The following CFAP107 variants were observed in gnomAD, a reference collection of about 807,000 sequenced individuals.
CFAP107 encodes cilia and flagella associated protein 107.
At chr1:12,758,412 G>A in the CFAP107 span, among the ~76,000 whole-genome samples, 1 of 152,140 alleles carries the variant, frequency 6.6e-6, no homozygotes, top group East Asian at 1.9e-4. Context: ...AGTCACTTTG[G>A]CATTAGAAAT....
the CFAP107 span, among the ~76,000 whole-genome samples, chr1:12,755,366 C>T: frequency 6.6e-6 from 1 of 151,676 alleles, no homozygotes; most frequent in African/African-American, 2.4e-5. Context: ...GATTGCGCCA[C>T]TGCACTCCAG....
chr1:12,759,577 A>G, the CFAP107 span: 1 of 1,458,200 alleles, frequency 6.9e-7, no homozygotes, highest in East Asian at 2.3e-5. Flanking sequence ...AGAAGGAGCC[A>G]CACAGGTGAC....
chr1:12,761,047 T>A, the CFAP107 span: 1 of 1,256,882 alleles, frequency 8.0e-7, no homozygotes, highest in Non-Finnish European at 1.1e-6. Flanking sequence ...AAACTCAGAG[T>A]ACGAGATCTG....
chr1:12,760,289 A>G, the CFAP107 span, among the ~76,000 whole-genome samples: 4 of 152,200 alleles, frequency 2.6e-5, no homozygotes, highest in Non-Finnish European at 5.9e-5. Flanking sequence ...ATTTCAAGCC[A>G]CGTCCACACT....
chr1:12,755,614 T>C, the CFAP107 span: 2 of 876,218 alleles, frequency 2.3e-6, no homozygotes, highest in Non-Finnish European at 3.9e-6. Flanking sequence ...CTACCCATCT[T>C]CTGATGGCCC....
At chr1:12,760,659 A>C in the CFAP107 span, 7 of 1,098,696 alleles carry the variant, frequency 6.4e-6, no homozygotes, top group Non-Finnish European at 9.1e-6. Flanking sequence ...CTGACAGAGC[A>C]GCCTGGGAAA....
the CFAP107 span, among the ~76,000 whole-genome samples, chr1:12,758,428 A>C: frequency 1.4e-4 from 22 of 152,160 alleles, no homozygotes; most frequent in East Asian, 4.1e-3. Context: ...GAAATACACT[A>C]TGGGGTACCT....
the CFAP107 span, chr1:12,755,951 G>A: frequency 1.6e-6 from 1 of 622,258 alleles, no homozygotes; most frequent in Non-Finnish European, 2.9e-6. Flanking sequence ...CCAGCCCGGG[G>A]GCTGCAGATA....
chr1:12,752,843 T>C, the CFAP107 span, among the ~76,000 whole-genome samples: 1 of 152,018 alleles, frequency 6.6e-6, no homozygotes, highest in African/African-American at 2.4e-5. Context: ...TTGTTCAACA[T>C]AGTGCTGGAA....
the CFAP107 span, chr1:12,746,522 GGATGGAAGAGAGGAGAAAGGT>G: frequency 6.2e-7 from 1 of 1,612,784 alleles, no homozygotes. Flanking sequence ...ACTGGAAATT[GGATGGAAGAGAGGAGAAAGGT>G]AAGGAAACGA....
At chr1:12,755,594 T>C in the CFAP107 span, 4 of 774,158 alleles carry the variant, frequency 5.2e-6, no homozygotes, top group African/African-American at 5.1e-5. Flanking sequence ...GGTTTATATT[T>C]ACCTTTTCCC....
the CFAP107 span, chr1:12,759,564 T>C: frequency 1.9e-6 from 3 of 1,542,650 alleles, no homozygotes; most frequent in African/African-American, 1.4e-5. Flanking sequence ...ACCTGCCTCA[T>C]GCAGAAGGAG....
chr1:12,760,260 G>A, the CFAP107 span, among the ~76,000 whole-genome samples: 1 of 152,194 alleles, frequency 6.6e-6, no homozygotes, highest in East Asian at 1.9e-4. Flanking sequence ...TTGTAGGAGA[G>A]TGCCTTGATG....
At chr1:12,752,363 TC>T in the CFAP107 span, among the ~76,000 whole-genome samples, 7,951 of 151,740 alleles carry the variant, frequency 0.052, 662 homozygotes, top group African/African-American at 0.18. Flanking sequence ...GGCAGGCAGA[TC>T]AGTTGAGGTC....
At chr1:12,746,389 T>C in the CFAP107 span, 3 of 1,540,090 alleles carry the variant, frequency 1.9e-6, no homozygotes, top group Non-Finnish European at 1.8e-6. Flanking sequence ...CCTGAAGCCT[T>C]AAACTGCATC....
chr1:12,756,092 T>C, the CFAP107 span, among the ~76,000 whole-genome samples: 3 of 152,244 alleles, frequency 2.0e-5, no homozygotes, highest in Admixed American at 6.5e-5. Context: ...ATGCAAGAAA[T>C]AGCAACCAAA....
chr1:12,753,919 TA>T, the CFAP107 span: 2 of 151,098 alleles, frequency 1.3e-5, no homozygotes, highest in African/African-American at 4.9e-5. Context: ...TTTAATTAAA[TA>T]AAAAAAGAAG....
At chr1:12,755,921 G>A in the CFAP107 span, 6 of 731,862 alleles carry the variant, frequency 8.2e-6, no homozygotes, top group African/African-American at 1.8e-5. Context: ...GAAATCAGGA[G>A]TAGTCTCATT....
At chr1:12,763,608 A>T in the CFAP107 span, 1 of 152,230 alleles carries the variant, frequency 6.6e-6, no homozygotes, top group Non-Finnish European at 1.5e-5. Flanking sequence ...TTGCTGCTGG[A>T]ACAAAATACC....
Sources: gnomAD v4.1 joint callset for allele counts (sites outside exome capture counted in the v4.1 genomes callset) on GRCh38, gnomAD v4.1.1 for gene constraint, MANE v1.5 for transcripts, NCBI Gene and HGNC (gene_info 2026-07-23, HGNC 2026-07-21) for gene names.